The following RMST variants were observed in gnomAD, a reference collection of about 807,000 sequenced individuals.
RMST encodes the protein rhabdomyosarcoma 2 associated transcript.
At chr12:97,488,580 C>T (rs532326812) in intron 5 of RMST, among the ~76,000 whole-genome samples, 22 of 152,220 alleles carry the variant, frequency 1.4e-4, no homozygotes, top group African/African-American at 4.3e-4. Context: ...GACCAGCAAG[C>T]GGCTCTCAAG....
At chr12:97,504,192 T>C (rs766469097) in intron 10 of RMST, among the ~76,000 whole-genome samples, 13 of 152,068 alleles carry the variant, frequency 8.5e-5, no homozygotes, top group Non-Finnish European at 1.8e-4. Flanking sequence ...TCACTTGAGG[T>C]CAGGAGTTGG....
intron 5 of RMST, among the ~76,000 whole-genome samples, chr12:97,482,964 G>A (rs567639283): frequency 5.9e-4 from 89 of 151,738 alleles, no homozygotes; most frequent in Non-Finnish European, 7.7e-4. Context: ...GTTTCTTGAG[G>A]GGAGCAAATA....
intron 10 of RMST, among the ~76,000 whole-genome samples, chr12:97,529,748 G>A (rs1031466367): frequency 2.0e-5 from 3 of 151,926 alleles, no homozygotes; most frequent in African/African-American, 7.3e-5. Flanking sequence ...ATGCTTCTAC[G>A]CATTACCTAA....
At chr12:97,531,276 A>G (rs1358711720) in intron 11 of RMST, among the ~76,000 whole-genome samples, 2 of 152,048 alleles carry the variant, frequency 1.3e-5, no homozygotes, top group African/African-American at 4.8e-5. Flanking sequence ...AAGTGTAGTT[A>G]TAGAATATGT....
At chr12:97,465,107 G>C (rs1381169291) in intron 4 of RMST, 1 of 152,202 alleles carries the variant, frequency 6.6e-6, no homozygotes, top group Non-Finnish European at 1.5e-5. Flanking sequence ...TCTCTAGTTG[G>C]GGTGCCTGTG....
intron 5 of RMST, among the ~76,000 whole-genome samples, chr12:97,469,228 A>AT (rs145571106): frequency 0.015 from 2,291 of 150,648 alleles, 58 homozygotes; most frequent in African/African-American, 0.051. Flanking sequence ...ATTGTATACA[A>AT]TATATATAAA....
At chr12:97,520,581 C>T (rs1426334310) in intron 10 of RMST, among the ~76,000 whole-genome samples, 1 of 152,028 alleles carries the variant, frequency 6.6e-6, no homozygotes, top group Non-Finnish European at 1.5e-5. Context: ...ACAAATTCCA[C>T]TTTTCATCTT....
chr12:97,467,314 T>A (rs1477725891), intron 5 of RMST, among the ~76,000 whole-genome samples: 1 of 151,970 alleles, frequency 6.6e-6, no homozygotes, highest in Non-Finnish European at 1.5e-5. Context: ...TTTTAAAGAA[T>A]CATATCTTTT....
chr12:97,495,763 G>A (rs1228763694), intron 9 of RMST, among the ~76,000 whole-genome samples: 3 of 152,042 alleles, frequency 2.0e-5, no homozygotes, highest in Non-Finnish European at 4.4e-5. Context: ...TGGCAATTAA[G>A]GGAAGCATAA....
chr12:97,528,639 A>C (rs555225464), intron 10 of RMST, among the ~76,000 whole-genome samples: 1 of 152,194 alleles, frequency 6.6e-6, no homozygotes, highest in South Asian at 2.1e-4. Context: ...AACTCTTTTC[A>C]GTATTGTAAA....
intron 13 of RMST, chr12:97,564,000 A>C (rs1052145918): frequency 2.5e-6 from 1 of 392,374 alleles, no homozygotes; most frequent in Non-Finnish European, 5.3e-6. Flanking sequence ...TAGCTCTGCT[A>C]CCTGCCTGGT....
intron 11 of RMST, among the ~76,000 whole-genome samples, chr12:97,560,085 C>T (rs1884013047): frequency 1.3e-5 from 2 of 151,994 alleles, no homozygotes; most frequent in Admixed American, 6.6e-5. Flanking sequence ...TCATTTTTGT[C>T]ATTGAAGTTC....
rs144295306 is a variant in RMST, at chr12:97,499,342, C to T, written n.1340+3286C>T. Among the ~76,000 whole-genome samples the T allele has an allele frequency of 1.9e-3, 283 of 151,928 alleles. 2 individuals carry two copies. Among genetic ancestry groups the T allele is most frequent in the African/African-American group, 6.3e-3 (263 of 41,434 alleles). ...TATTCATAATTGTTTTTCACATATC[C>T]GACTATTTTTCTGAGATGTTCTCCT... On this transcript the variant is annotated intron_variant and non_coding_transcript_variant, in intron 10 of 13. Transcript: ENST00000640149.
At chr12:97,515,100 A>T (rs2136531261) in intron 10 of RMST, among the ~76,000 whole-genome samples, 1 of 152,312 alleles carries the variant, frequency 6.6e-6, no homozygotes, top group Admixed American at 6.5e-5. Flanking sequence ...AGAGTAAATC[A>T]TGATCAATGA....
intron 5 of RMST, chr12:97,491,798 G>A (rs747894926): frequency 7.4e-5 from 30 of 403,414 alleles, no homozygotes; most frequent in Non-Finnish European, 1.2e-4. Flanking sequence ...AACAACAATC[G>A]TGTCATGGCT....
At chr12:97,509,500 G>A (rs949957822) in intron 10 of RMST, among the ~76,000 whole-genome samples, 1 of 152,172 alleles carries the variant, frequency 6.6e-6, no homozygotes, top group Non-Finnish European at 1.5e-5. Context: ...CTCTGAGGTT[G>A]AGACAAACAG....
At chr12:97,474,328 T>G (rs1874274874) in intron 5 of RMST, among the ~76,000 whole-genome samples, 1 of 152,148 alleles carries the variant, frequency 6.6e-6, no homozygotes, top group South Asian at 2.1e-4. Context: ...GCTGCACACC[T>G]TCTCCCTGTG....
intron 11 of RMST, among the ~76,000 whole-genome samples, chr12:97,534,876 A>G (rs1023218717): frequency 1.3e-5 from 2 of 151,678 alleles, no homozygotes; most frequent in African/African-American, 2.4e-5. Flanking sequence ...AAAGTGACCA[A>G]TGGTGTTGTT....
intron 10 of RMST, among the ~76,000 whole-genome samples, chr12:97,497,493 G>A (rs1320035052): frequency 2.0e-5 from 3 of 152,106 alleles, no homozygotes; most frequent in East Asian, 1.9e-4. Context: ...GCATTGCTGT[G>A]GATATAAACA....
Sources: gnomAD v4.1 joint callset for allele counts (sites outside exome capture counted in the v4.1 genomes callset) on GRCh38, gnomAD v4.1.1 for gene constraint, MANE v1.5 for transcripts, NCBI Gene and HGNC (gene_info 2026-07-23, HGNC 2026-07-21) for gene names.